The following PLCL1 variants were observed in gnomAD, a reference collection of about 807,000 sequenced individuals.
The protein encoded by PLCL1 is phospholipase C like 1 (inactive), also known as inactive phospholipase C-like protein 1.
A neutral mutation model predicts 84.4 loss-of-function variants in PLCL1; 41 were observed. The ratio of observed to expected loss-of-function variants is 0.49; its 90% CI spans 0.38 to 0.63. The LOEUF (loss-of-function observed/expected upper bound fraction) is 0.63, where lower values mean the gene tolerates loss of function less well. Among genes scored for constraint, PLCL1 ranks in the 30% least tolerant of loss-of-function variants. PLCL1 has a pLI of 0.00. For missense variants in PLCL1, 1,206 were observed against 1,367.8 expected (o/e 0.88, Z 1.87); for synonymous variants, 490 against 488.3 (o/e 1.00, Z -0.05).
At chr2:197,984,258 G>C (rs545573256) in intron 1 of PLCL1, among the ~76,000 whole-genome samples, 1 of 152,090 alleles carries the variant, frequency 6.6e-6, no homozygotes, top group Admixed American at 6.5e-5. Flanking sequence ...AGACAAATAA[G>C]CTCTTTTGAG....
intron 5 of PLCL1, among the ~76,000 whole-genome samples, chr2:198,128,390 A>T (rs1021784084): frequency 6.6e-6 from 1 of 152,156 alleles, no homozygotes; most frequent in Non-Finnish European, 1.5e-5. Context: ...TATTGCTCCA[A>T]TCTGTCTCCC....
intron 1 of PLCL1, among the ~76,000 whole-genome samples, chr2:197,874,563 C>T (rs1394842692): frequency 5.3e-5 from 8 of 151,960 alleles, no homozygotes; most frequent in African/African-American, 1.9e-4. Flanking sequence ...GTCCTCCAAA[C>T]TATTTAAAAG....
In PLCL1 at chr2:198,086,024, T is replaced by C; in HGVS notation, c.2507T>C (p.Met836Thr). The C allele has an allele frequency of 6.2e-7, 1 of 1,614,106 alleles. No homozygotes were observed. The highest frequency in any genetic ancestry group is 8.5e-7 in the Non-Finnish European group (1 of 1,179,996). The part of the protein sequence containing the change: ...VPLRSFVGDI[M>T]EHVTLFVHIA... The stretch of plus-strand genomic sequence containing the variant: ...CTGCGTTCTTTTGTGGGTGACATCA[T>C]GGAGCACGTAACCCTTTTTGTCCAC... The change falls in exon 2 of 6, where the codon ATG becomes ACG. Residue 836 changes from methionine to threonine, a missense_variant. Physicochemically the swap from Met to Thr is moderately conservative, Grantham distance 81. Transcript: ENST00000428675.
intron 1 of PLCL1, among the ~76,000 whole-genome samples, chr2:198,066,098 T>G: frequency 6.6e-6 from 1 of 152,192 alleles, no homozygotes; most frequent in Middle Eastern, 3.2e-3. Context: ...TCTCCTTTGT[T>G]AGCTTTTCTC....
At position 198,124,208 on chromosome 2, in the gene PLCL1, A is replaced by T. The variant is rs146581743; in HGVS notation, c.3105+20272A>T. ...CTTGTTCTTTATGTGGGCAGATAGG[A>T]CAGTCTCCTTAACCAGCGTGATTAG... On this transcript the variant is annotated intron_variant, in intron 5 of 5. Transcript: ENST00000428675. Among the ~76,000 whole-genome samples the T allele has an allele frequency of 1.3e-3, 198 of 152,246 alleles. 2 individuals carry two copies. Among genetic ancestry groups the T allele is most frequent in the Non-Finnish European group, 2.3e-3 (157 of 68,004 alleles).
intron 1 of PLCL1, among the ~76,000 whole-genome samples, chr2:197,875,910 A>G (rs1206186249): frequency 6.6e-6 from 1 of 152,152 alleles, no homozygotes; most frequent in Non-Finnish European, 1.5e-5. Context: ...ACACAGGGAG[A>G]GTAAATGTTT....
chr2:198,002,010 T>A (rs1404301736), intron 1 of PLCL1: 2 of 434,128 alleles, frequency 4.6e-6, no homozygotes, highest in African/African-American at 4.0e-5. Flanking sequence ...TTCATTATGG[T>A]GAGTTGTATA....
chr2:197,947,171 T>G (rs1193473060), intron 1 of PLCL1, among the ~76,000 whole-genome samples: 3 of 151,080 alleles, frequency 2.0e-5, no homozygotes, highest in Non-Finnish European at 4.4e-5. Flanking sequence ...ATTAAGAATT[T>G]CAGATGACTG....
At chr2:198,067,517 T>C (rs1382921628) in intron 1 of PLCL1, among the ~76,000 whole-genome samples, 1 of 152,200 alleles carries the variant, frequency 6.6e-6, no homozygotes, top group African/African-American at 2.4e-5. Flanking sequence ...TTCTTTTTTT[T>C]CAACATTCAG....
chr2:197,977,369 G>T (rs1690009095), intron 1 of PLCL1, among the ~76,000 whole-genome samples: 1 of 151,870 alleles, frequency 6.6e-6, no homozygotes, highest in Non-Finnish European at 1.5e-5. Context: ...GCCGTGCAGA[G>T]ACCAGACTCA....
intron 1 of PLCL1, among the ~76,000 whole-genome samples, chr2:197,921,489 C>A (rs948870314): frequency 6.6e-6 from 1 of 151,772 alleles, no homozygotes; most frequent in Non-Finnish European, 1.5e-5. Context: ...TTAATTCAGG[C>A]GGATATAAGC....
chr2:197,868,959 A>G (rs1173560451), intron 1 of PLCL1, among the ~76,000 whole-genome samples: 1 of 152,182 alleles, frequency 6.6e-6, no homozygotes, highest in Admixed American at 6.5e-5. Flanking sequence ...ACTTAGTGAA[A>G]GAGTGAGTTT....
chr2:197,969,018 T>A (rs369773063), intron 1 of PLCL1, among the ~76,000 whole-genome samples: 30 of 152,336 alleles, frequency 2.0e-4, no homozygotes, highest in East Asian at 9.6e-4. Flanking sequence ...GTCCACCTCC[T>A]GTCAGATCAG....
chr2:198,026,019 TG>T (rs1010815599), intron 1 of PLCL1, among the ~76,000 whole-genome samples: 1 of 152,194 alleles, frequency 6.6e-6, no homozygotes, highest in African/African-American at 2.4e-5. Context: ...GTTTTAAGGC[TG>T]GCATTAAAGA....
At chr2:198,100,210 G>A (rs1693297771) in intron 3 of PLCL1, among the ~76,000 whole-genome samples, 1 of 152,048 alleles carries the variant, frequency 6.6e-6, no homozygotes, top group African/African-American at 2.4e-5. Flanking sequence ...GGAATACAAA[G>A]CTGAATAAGA....
chr2:198,097,238 A>G (rs1693222926), intron 3 of PLCL1, among the ~76,000 whole-genome samples: 1 of 152,188 alleles, frequency 6.6e-6, no homozygotes, highest in Non-Finnish European at 1.5e-5. Flanking sequence ...GGGTACAGCA[A>G]TGTCTTTGGA....
At chr2:198,007,701 G>C (rs973765039) in intron 1 of PLCL1, among the ~76,000 whole-genome samples, 4 of 152,114 alleles carry the variant, frequency 2.6e-5, no homozygotes, top group Non-Finnish European at 4.4e-5. Context: ...ATGCATTTTA[G>C]GACTTGGATA....
intron 5 of PLCL1, among the ~76,000 whole-genome samples, chr2:198,137,680 A>G (rs925185822): frequency 2.0e-5 from 3 of 152,198 alleles, no homozygotes; most frequent in Non-Finnish European, 4.4e-5. Context: ...CTCATCTTGC[A>G]AATCATTGCT....
intron 1 of PLCL1, among the ~76,000 whole-genome samples, chr2:198,042,351 T>A (rs1388030311): frequency 6.6e-6 from 1 of 152,086 alleles, no homozygotes; most frequent in African/African-American, 2.4e-5. Flanking sequence ...TAAATTATGG[T>A]TTTAGTTGTT....
Sources: gnomAD v4.1 joint callset for allele counts (sites outside exome capture counted in the v4.1 genomes callset) on GRCh38, gnomAD v4.1.1 for gene constraint, MANE v1.5 for transcripts, NCBI Gene and HGNC (gene_info 2026-07-23, HGNC 2026-07-21) for gene names.